The following IMMP2L variants were observed in gnomAD, a reference collection of about 807,000 sequenced individuals.
The protein encoded by IMMP2L is inner mitochondrial membrane peptidase subunit 2, also known as mitochondrial inner membrane protease subunit 2.
In IMMP2L, 18 loss-of-function variants were observed where a neutral mutation model predicts 19.3. That is an observed-to-expected ratio of 0.93 (90% CI 0.64 to 1.38). The LOEUF (loss-of-function observed/expected upper bound fraction) is 1.38, where lower values mean the gene tolerates loss of function less well. Ranked by LOEUF, IMMP2L falls within the 40% of genes most tolerant of loss-of-function variation. The pLI, the probability that IMMP2L is intolerant of heterozygous loss-of-function variation, is 0.00. For missense variants in IMMP2L, 233 were observed against 218.2 expected (o/e 1.07, Z -0.43); for synonymous variants, 76 against 73.0 (o/e 1.04, Z -0.21).
intron 4 of IMMP2L, among the ~76,000 whole-genome samples, chr7:110,954,087 C>G (rs117800458): frequency 2.0e-5 from 3 of 152,036 alleles, no homozygotes; most frequent in Non-Finnish European, 2.9e-5. Flanking sequence ...GTGTGATTAG[C>G]GAGAGAGAAA....
chr7:110,820,119 T>A (rs1802891361), intron 5 of IMMP2L, among the ~76,000 whole-genome samples: 1 of 152,042 alleles, frequency 6.6e-6, no homozygotes, highest in African/African-American at 2.4e-5. Context: ...CTAAAATAGA[T>A]GACATAAATT....
At chr7:111,032,470 C>G (rs1186541387) in intron 3 of IMMP2L, among the ~76,000 whole-genome samples, 1 of 152,008 alleles carries the variant, frequency 6.6e-6, no homozygotes, top group Non-Finnish European at 1.5e-5. Flanking sequence ...TGACTTATAT[C>G]CAAAATATAA....
chr7:110,961,266 G>T (rs186692669), intron 4 of IMMP2L, among the ~76,000 whole-genome samples: 1 of 151,756 alleles, frequency 6.6e-6, no homozygotes, highest in Non-Finnish European at 1.5e-5. Context: ...ATCCACAGAT[G>T]CTCAAGTTCT....
At position 110,835,022 on chromosome 7, in the gene IMMP2L, T is replaced by A. The variant is rs184563539; in HGVS notation, c.408+51571A>T. Among the ~76,000 whole-genome samples, 992 of 152,020 alleles carry A rather than the reference T, an allele frequency of 6.5e-3. 8 individuals are homozygous for A. The highest frequency in any genetic ancestry group is 0.01 in the Middle Eastern group (3 of 292). On this transcript the variant is annotated intron_variant, in intron 5 of 5. Coordinates refer to ENST00000405709, the MANE Select transcript of IMMP2L (RefSeq NM_032549.4). ...CCAGATGGAAGCATTCACCTGAAAA[T>A]TTTTTTCCCCCAGAGAAAGATTCAT...
chr7:111,126,852 C>T (rs1801365594), intron 3 of IMMP2L, among the ~76,000 whole-genome samples: 1 of 152,158 alleles, frequency 6.6e-6, no homozygotes, highest in Admixed American at 6.6e-5. Flanking sequence ...TGTGTCTGCT[C>T]ATAAGCAACT....
chr7:110,904,880 T>C (rs1323783838), intron 4 of IMMP2L, among the ~76,000 whole-genome samples: 1 of 152,222 alleles, frequency 6.6e-6, no homozygotes, highest in Admixed American at 6.5e-5. Flanking sequence ...TATCTTCTGA[T>C]TGGATATCTA....
chr7:110,848,360 A>C (rs2131507017), intron 5 of IMMP2L, among the ~76,000 whole-genome samples: 1 of 152,276 alleles, frequency 6.6e-6, no homozygotes. Context: ...ACAATGAGAT[A>C]CCACCACACG....
At chr7:110,811,157 T>G (rs764269528) in intron 5 of IMMP2L, among the ~76,000 whole-genome samples, 11 of 151,904 alleles carry the variant, frequency 7.2e-5, no homozygotes, top group Admixed American at 4.6e-4. Flanking sequence ...AATTTATTAG[T>G]TTTTTTTATT....
At chr7:110,668,713 G>C (rs1227900495) in intron 5 of IMMP2L, among the ~76,000 whole-genome samples, 2 of 152,036 alleles carry the variant, frequency 1.3e-5, no homozygotes, top group Non-Finnish European at 1.5e-5. Flanking sequence ...TGAATGATGA[G>C]AATTCTATCA....
intron 5 of IMMP2L, 66 bp downstream of exon 5, chr7:110,886,527 C>T (rs754457069): frequency 3.5e-6 from 3 of 862,256 alleles, no homozygotes; most frequent in Non-Finnish European, 6.0e-6. Context: ...AATAACCTAT[C>T]TGACATAGTT....
intron 3 of IMMP2L, among the ~76,000 whole-genome samples, chr7:111,273,988 C>A (rs1371026685): frequency 2.0e-5 from 3 of 152,002 alleles, no homozygotes; most frequent in African/African-American, 7.2e-5. Flanking sequence ...TTTCTTCAGT[C>A]AACATATAAT....
At chr7:111,426,175 A>G (rs1836055738) in intron 3 of IMMP2L, among the ~76,000 whole-genome samples, 1 of 151,102 alleles carries the variant, frequency 6.6e-6, no homozygotes, top group African/African-American at 2.4e-5. Context: ...AAAAAGGTAA[A>G]TTATATATTT....
chr7:110,992,837 A>G (rs1300810691), intron 3 of IMMP2L, among the ~76,000 whole-genome samples: 1 of 152,278 alleles, frequency 6.6e-6, no homozygotes, highest in African/African-American at 2.4e-5. Flanking sequence ...CATGGCAAAT[A>G]AATTCATCTT....
chr7:111,522,717 G>A (rs1312434517), intron 1 of IMMP2L, among the ~76,000 whole-genome samples: 1 of 151,942 alleles, frequency 6.6e-6, no homozygotes. Context: ...TTACAGAAAA[G>A]AGTATGGAGG....
rs1803242266 is a variant in IMMP2L, at chr7:111,144,296, C to T, written c.240-180731G>A. On this transcript the variant is annotated intron_variant, in intron 3 of 5. Coordinates refer to ENST00000405709, the MANE Select transcript of IMMP2L (RefSeq NM_032549.4). Reference sequence around the variant, plus strand: ...ATTTAAACTTCCAGTTAGACAATATCTAGTCAATGTCTACCTCACAGGAAT... The same window carrying T: ...ATTTAAACTTCCAGTTAGACAATATTTAGTCAATGTCTACCTCACAGGAAT... Among the ~76,000 whole-genome samples, 3 of 152,172 alleles carry T rather than the reference C, an allele frequency of 2.0e-5. No individual in the cohort carries two copies. The South Asian group carries it at 6.2e-4, about 31-fold the overall frequency.
intron 3 of IMMP2L, among the ~76,000 whole-genome samples, chr7:111,136,432 T>TA (rs139750069): frequency 0.098 from 14,904 of 151,374 alleles, 1,710 homozygotes; most frequent in African/African-American, 0.28. Flanking sequence ...ATTTTAGAAA[T>TA]AAAAAAAAAT....
chr7:111,505,663 C>G (rs1194029808), intron 2 of IMMP2L, among the ~76,000 whole-genome samples: 1 of 152,068 alleles, frequency 6.6e-6, no homozygotes, highest in South Asian at 2.1e-4. Flanking sequence ...AGTTCATGTC[C>G]TTTGTAGGGA....
chr7:111,502,036 TAAAG>T (rs1665631545), intron 2 of IMMP2L, among the ~76,000 whole-genome samples: 1 of 152,040 alleles, frequency 6.6e-6, no homozygotes, highest in South Asian at 2.1e-4. Flanking sequence ...GCAAATTGGA[TAAAG>T]AGTCATACAT....
chr7:111,521,137 T>C (rs967762519), intron 2 of IMMP2L, among the ~76,000 whole-genome samples, 176 bp downstream of exon 2: 3 of 152,156 alleles, frequency 2.0e-5, no homozygotes, highest in Non-Finnish European at 4.4e-5. Context: ...CCTCTGATTA[T>C]AATACGACTG....
Sources: allele counts gnomAD v4.1 joint callset (sites outside exome capture counted in the v4.1 genomes callset), GRCh38; gene constraint gnomAD v4.1.1; transcripts MANE v1.5; gene names NCBI Gene and HGNC (gene_info 2026-07-23, HGNC 2026-07-21).